Variants in GRIK4 observed in about 807,000 individuals in gnomAD.
The protein encoded by GRIK4 is glutamate ionotropic receptor kainate type subunit 4, also known as glutamate receptor ionotropic, kainate 4.
In GRIK4, 40 loss-of-function variants were observed where a neutral mutation model predicts 104.9. The observed-to-expected ratio is 0.38, with a 90% CI of 0.30 to 0.50. The LOEUF (loss-of-function observed/expected upper bound fraction) is 0.50. GRIK4 is among the 20% of genes least tolerant of loss of function. GRIK4 has a pLI of 0.93. For synonymous variants in GRIK4, 485 were observed against 524.9 expected (o/e 0.92, Z 1.04); for missense variants, 1,047 against 1,308.1 (o/e 0.80, Z 3.08).
chr11:120,981,007 C>G (rs916879874), intron 19 of GRIK4, among the ~76,000 whole-genome samples: 7 of 141,596 alleles, frequency 4.9e-5, no homozygotes, highest in Non-Finnish European at 1.1e-4. Context: ...CCGTGCGAAG[C>G]TGACTGCCCC....
rs562721242 is a variant in GRIK4 at position 120,691,359 on chromosome 11, C to T, written c.82+30959C>T. 4.0e-4 allele frequency among the ~76,000 whole-genome samples: 61 copies of T among 152,238 alleles called. No homozygotes were observed. The South Asian group carries it at 7.9e-3, about 20-fold the overall frequency. ...GGAACCAATAGACACCAGGCCCCTG[C>T]GATGTGACCAGCCTTGTGCAAGACA... On this transcript the variant is annotated intron_variant, in intron 3 of 20. Coordinates refer to ENST00000527524, the MANE Select transcript of GRIK4 (RefSeq NM_014619.5).
intron 19 of GRIK4, among the ~76,000 whole-genome samples, 166 bp from the exon 20 acceptor site, chr11:120,981,940 A>C (rs553415109): frequency 6.6e-6 from 1 of 152,296 alleles, no homozygotes; most frequent in South Asian, 2.1e-4. Flanking sequence ...AAATAATTAA[A>C]TATCTTCAAG....
At chr11:120,809,646 G>T (rs1952787088) in intron 4 of GRIK4, among the ~76,000 whole-genome samples, 1 of 152,220 alleles carries the variant, frequency 6.6e-6, no homozygotes, top group Admixed American at 6.5e-5. Flanking sequence ...CTGATCTCAA[G>T]GCCATTTATG....
At chr11:120,836,961 G>A (rs944002859) in intron 8 of GRIK4, 117 bp downstream of exon 8, 15 of 673,382 alleles carry the variant, frequency 2.2e-5, no homozygotes, top group African/African-American at 5.4e-5. Flanking sequence ...AAGCAGAGGA[G>A]CAGAAGCCAA....
chr11:120,961,162 C>G, intron 17 of GRIK4, 88 bp downstream of exon 17: 1 of 1,200,726 alleles, frequency 8.3e-7, no homozygotes, highest in Admixed American at 1.8e-5. Flanking sequence ...AACATCTCTC[C>G]GCATCTCATT....
intron 11 of GRIK4, among the ~76,000 whole-genome samples, chr11:120,891,182 C>T (rs1225481030): frequency 1.3e-5 from 2 of 152,308 alleles, no homozygotes; most frequent in African/African-American, 2.4e-5. Flanking sequence ...GGATGACACC[C>T]AGGTGAGCCT....
chr11:120,796,034 AAT>A (rs1491484253), intron 3 of GRIK4, among the ~76,000 whole-genome samples: 13 of 71,014 alleles, frequency 1.8e-4, no homozygotes, highest in African/African-American at 7.4e-4. Context: ...TTTTTTCCTG[AAT>A]TTTTTTTTTT....
rs1276226212 is a variant in GRIK4, at chr11:120,905,229, T to C, written c.1273-61T>C. The C allele has an allele frequency of 1.3e-5, 16 of 1,260,626 alleles. No homozygotes were observed. The East Asian group carries it at 2.3e-4, about 18-fold the overall frequency. The allele number at this position is 1,260,626 out of a possible 1,614,324, so 78.1% of individuals were successfully genotyped here. On this transcript the variant is annotated intron_variant, in intron 12 of 20. Coordinates refer to ENST00000527524, the MANE Select transcript of GRIK4 (RefSeq NM_014619.5). This position sits in a 1 kb window ranked among gnomAD's most constrained non-coding sequence, Gnocchi z 5.1. ...CCCTCTGTGCCCCTGGCCCTCCCCA[T>C]CACACGCGGGTGAGACACCAGGGCT...
At chr11:120,540,883 G>T (rs1442293402) in intron 1 of GRIK4, among the ~76,000 whole-genome samples, 1 of 152,184 alleles carries the variant, frequency 6.6e-6, no homozygotes, top group East Asian at 1.9e-4. Context: ...AAGCTGAGGT[G>T]GGAGGATCTC....
At chr11:120,617,791 A>G (rs558254628) in intron 1 of GRIK4, among the ~76,000 whole-genome samples, 1 of 152,280 alleles carries the variant, frequency 6.6e-6, no homozygotes, top group African/African-American at 2.4e-5. Flanking sequence ...AGGCCTCCCC[A>G]GAAGCAGATG....
intron 1 of GRIK4, among the ~76,000 whole-genome samples, chr11:120,617,423 A>C (rs1949130979): frequency 1.3e-5 from 2 of 151,966 alleles, no homozygotes. Flanking sequence ...TCTGTTGCCC[A>C]GGCTTGAGTG....
chr11:120,740,385 C>G (rs1046799125), intron 3 of GRIK4, among the ~76,000 whole-genome samples: 1 of 152,196 alleles, frequency 6.6e-6, no homozygotes, highest in Non-Finnish European at 1.5e-5. Flanking sequence ...CCCTCACCCC[C>G]GCATGAGTGG....
chr11:120,694,720 G>A (rs1565299634), intron 3 of GRIK4, among the ~76,000 whole-genome samples: 1 of 152,196 alleles, frequency 6.6e-6, no homozygotes, highest in Non-Finnish European at 1.5e-5. Flanking sequence ...ATGCAGCAGA[G>A]CTCCAGGGGG....
intron 13 of GRIK4, among the ~76,000 whole-genome samples, chr11:120,910,992 G>A (rs568917001): frequency 1.4e-4 from 21 of 152,264 alleles, no homozygotes; most frequent in Admixed American, 9.2e-4. Flanking sequence ...GAAGGTGCAG[G>A]GGTAGATTCC....
intron 3 of GRIK4, among the ~76,000 whole-genome samples, chr11:120,794,512 G>C (rs1218457077): frequency 6.6e-6 from 1 of 151,884 alleles, no homozygotes; most frequent in Non-Finnish European, 1.5e-5. Context: ...AAACGAGGTT[G>C]TTAGGTTTGT....
chr11:120,769,187 G>C (rs1951894059), intron 3 of GRIK4, among the ~76,000 whole-genome samples: 1 of 152,006 alleles, frequency 6.6e-6, no homozygotes, highest in Non-Finnish European at 1.5e-5. Context: ...TTTATTGGAA[G>C]GTTTTTAATT....
At chr11:120,739,723 G>A (rs1042225368) in intron 3 of GRIK4, among the ~76,000 whole-genome samples, 1 of 152,242 alleles carries the variant, frequency 6.6e-6, no homozygotes, top group Non-Finnish European at 1.5e-5. Context: ...AGATCTAGGG[G>A]TGAGTGTGTG....
chr11:120,557,707 T>C (rs780576551), intron 1 of GRIK4, among the ~76,000 whole-genome samples: 17 of 152,196 alleles, frequency 1.1e-4, no homozygotes, highest in Non-Finnish European at 2.4e-4. Context: ...TCAGCTCTTT[T>C]GCTGGTGATA....
intron 1 of GRIK4, among the ~76,000 whole-genome samples, chr11:120,512,978 G>C (rs1184946207): frequency 6.6e-6 from 1 of 152,186 alleles, no homozygotes; most frequent in East Asian, 1.9e-4. Flanking sequence ...TGGGCTGCGT[G>C]GCTCTTGGCA....
Sources: gnomAD v4.1 joint callset for allele counts (sites outside exome capture counted in the v4.1 genomes callset) on GRCh38, gnomAD v4.1.1 for gene constraint, Gnocchi (gnomAD v3.1) non-coding constraint, MANE v1.5 for transcripts, NCBI Gene and HGNC (gene_info 2026-07-23, HGNC 2026-07-21) for gene names.